The following XIRP2 variants were observed in gnomAD, a reference collection of about 807,000 sequenced individuals.
XIRP2 encodes the protein xin actin-binding repeat-containing protein 2.
A neutral mutation model predicts 277.0 loss-of-function variants in XIRP2; 236 were observed. The observed-to-expected ratio is 0.85, with a 90% confidence interval of 0.77 to 0.95. The LOEUF (loss-of-function observed/expected upper bound fraction) is 0.95. XIRP2 is among the 40% of genes least tolerant of loss of function. The pLI is 0.00. For missense variants in XIRP2, 4,640 were observed against 4,157.5 expected, an observed-to-expected ratio of 1.12 and a Z score of -3.19; for synonymous variants, 1,490 against 1,416.5, an observed-to-expected ratio of 1.05 and a Z score of -1.17.
chr2:167,135,108 C>A (rs1691506315), intron 2 of XIRP2, among the ~76,000 whole-genome samples: 1 of 152,090 alleles, frequency 6.6e-6, no homozygotes, highest in South Asian at 2.1e-4. Context: ...ACATTTTCAA[C>A]ATATTACTTG....
At chr2:166,893,967 G>T (rs7582390) in intron 1 of XIRP2, among the ~76,000 whole-genome samples, 2,162 of 152,192 alleles carry the variant, frequency 0.014, 61 homozygotes, top group African/African-American at 0.05. Context: ...TAACTTTAGG[G>T]ATTTTCAGTG....
At chr2:167,203,321 G>A (rs1693773217) in intron 3 of XIRP2, among the ~76,000 whole-genome samples, 1 of 152,192 alleles carries the variant, frequency 6.6e-6, no homozygotes. Flanking sequence ...AGCTAGGACA[G>A]ACTTAGTAAG....
At chr2:167,154,958 C>G (rs1227826533) in intron 3 of XIRP2, among the ~76,000 whole-genome samples, 5 of 151,944 alleles carry the variant, frequency 3.3e-5, no homozygotes, top group Non-Finnish European at 7.4e-5. Flanking sequence ...TCAGAGAATA[C>G]TACAAACACC....
In XIRP2 at chr2:167,087,807, C is replaced by T. The variant is rs368582514; in HGVS notation, c.409-48102C>T. ...GCCTCGCCCTGCTTCGGCTCGCGCA[C>T]GGTGCGTGCACCCACTGACCTGCGC... On this transcript the variant is annotated intron_variant, in intron 2 of 10. Coordinates refer to ENST00000409195, the MANE Select transcript of XIRP2 (RefSeq NM_152381.6). 9.0e-4 allele frequency among the ~76,000 whole-genome samples: 137 copies of T among 151,904 alleles called. 3 individuals carry two copies. The East Asian group carries it at 0.025, about 28-fold the overall frequency.
At position 167,243,126 on chromosome 2, in the gene XIRP2, A is replaced by C; in HGVS notation, c.1734A>C (p.Arg578Ser). 1 of 1,614,128 alleles carries C rather than the reference A, an allele frequency of 6.2e-7. No individual in the cohort carries two copies. The highest frequency in any genetic ancestry group is 8.5e-7 in the Non-Finnish European group (1 of 1,180,000). The change falls in exon 9 of 11, where the codon AGA becomes AGC. Residue 578 changes from arginine to serine, a missense_variant. By Grantham distance (110) the Arg-to-Ser change is moderately radical. Transcript: ENST00000409195. Reference sequence around the variant, plus strand: ...TGAAGGGAGAGGTGCAGTCCATTAGATGGATCTTTGAGAATCAACCATTGG... The same window carrying C: ...TGAAGGGAGAGGTGCAGTCCATTAGCTGGATCTTTGAGAATCAACCATTGG... Reference protein sequence around the residue: ...EILKGEVQSIRWIFENQPLDS... With the variant: ...EILKGEVQSISWIFENQPLDS...
chr2:166,997,709 A>G lies in XIRP2; in HGVS notation c.408+93819A>G, dbSNP rs146309172. ...ATCACTAGGTCAAGAGCTCAAGACC[A>G]TCCTGGCCAACATGGTGAAACCCCA... is the stretch of plus-strand genomic sequence containing the variant. On this transcript the variant is annotated intron_variant, in intron 2 of 10. Transcript: ENST00000409195. Among the ~76,000 whole-genome samples the G allele has an allele frequency of 9.5e-3, 1,448 of 152,184 alleles. 24 individuals carry two copies. The highest frequency in any genetic ancestry group is 0.033 in the African/African-American group (1,377 of 41,506).
intron 2 of XIRP2, among the ~76,000 whole-genome samples, chr2:167,102,222 T>C (rs1391645098): frequency 6.6e-6 from 1 of 152,186 alleles, no homozygotes; most frequent in Non-Finnish European, 1.5e-5. Flanking sequence ...GAAACAGCAT[T>C]GTTAGAATCA....
intron 2 of XIRP2, among the ~76,000 whole-genome samples, chr2:167,009,800 C>A (rs1181701178): frequency 6.6e-6 from 1 of 151,992 alleles, no homozygotes; most frequent in African/African-American, 2.4e-5. Flanking sequence ...TTGATTTGCA[C>A]TTCTCTGATA....
chr2:166,975,386 A>G (rs188096394), intron 2 of XIRP2, among the ~76,000 whole-genome samples: 1 of 152,358 alleles, frequency 6.6e-6, no homozygotes, highest in Non-Finnish European at 1.5e-5. Flanking sequence ...AAGATATACC[A>G]TATAGTGGGT....
chr2:167,158,970 G>C (rs1692284373), intron 3 of XIRP2, among the ~76,000 whole-genome samples: 1 of 152,128 alleles, frequency 6.6e-6, no homozygotes, highest in Admixed American at 6.5e-5. Context: ...ACCTCTGGGG[G>C]GTAGGAGGGG....
In XIRP2 at chr2:167,247,809, T is replaced by G. The variant is rs1488161602; in HGVS notation, c.6417T>G (p.Phe2139Leu). The change falls in exon 9 of 11, where the codon TTT (phenylalanine) becomes TTG (leucine). Residue 2139 changes from phenylalanine to leucine, a missense_variant. Coordinates refer to ENST00000409195, the MANE Select transcript of XIRP2 (RefSeq NM_152381.6). ...ATGACCACCAGAAAATGGAGGGTTT[T>G]CATATAAAGAGTCCTAAAAAGACCA... ...LRNDHQKMEG[F>L]HIKSPKKTKN... 2.5e-6 allele frequency: 4 copies of G among 1,613,166 alleles called. No individual in the cohort carries two copies. Among genetic ancestry groups the G allele is most frequent in the Non-Finnish European group, 3.4e-6 (4 of 1,179,666 alleles).
intron 2 of XIRP2, chr2:167,124,443 A>G (rs1691142386): frequency 6.6e-6 from 1 of 152,158 alleles, no homozygotes; most frequent in South Asian, 2.1e-4. Context: ...GACATTTCTC[A>G]GTTGCGCTTT....
intron 1 of XIRP2, 23 bp downstream of exon 1, chr2:166,888,580 C>A (rs916732668): frequency 2.0e-5 from 3 of 151,986 alleles, no homozygotes; most frequent in Admixed American, 1.3e-4. Flanking sequence ...TAAGAAAAAC[C>A]ACTTCTTTCA....
intron 2 of XIRP2, among the ~76,000 whole-genome samples, chr2:167,058,341 G>A (rs1420012319): frequency 6.6e-6 from 1 of 152,092 alleles, no homozygotes; most frequent in Non-Finnish European, 1.5e-5. Flanking sequence ...TCAGCTTCCT[G>A]CAGTGCTGGG....
At chr2:167,099,044 T>A (rs1256646979) in intron 2 of XIRP2, among the ~76,000 whole-genome samples, 1 of 152,198 alleles carries the variant, frequency 6.6e-6, no homozygotes, top group East Asian at 1.9e-4. Flanking sequence ...TGCTGGGAGA[T>A]CTGCTGCTCT....
intron 3 of XIRP2, among the ~76,000 whole-genome samples, chr2:167,152,081 A>G (rs1302837060): frequency 6.6e-6 from 1 of 152,150 alleles, no homozygotes; most frequent in Non-Finnish European, 1.5e-5. Context: ...GAAATGTCCC[A>G]ACTGTGTACT....
chr2:166,894,262 T>C (rs751439824), intron 1 of XIRP2, among the ~76,000 whole-genome samples: 2 of 152,152 alleles, frequency 1.3e-5, no homozygotes, highest in Non-Finnish European at 2.9e-5. Flanking sequence ...ACCAAGGGTT[T>C]CTTTCCTTCC....
In XIRP2 at chr2:167,258,620, G is replaced by A. The variant is rs1695738425; in HGVS notation, c.*803G>A. On this transcript the variant is annotated 3_prime_UTR_variant, in exon 11 of 11. Coordinates refer to ENST00000409195, the MANE Select transcript of XIRP2 (RefSeq NM_152381.6). ...AGAAGTTTTACAGGTTACTAACACT[G>A]ATGATGAGATGATGCCAGAAAATCA... is the stretch of plus-strand genomic sequence containing the variant. The A allele has an allele frequency of 6.2e-7, 1 of 1,612,564 alleles. No individual in the cohort carries two copies.
chr2:167,232,385 G>C (rs1694783974), intron 5 of XIRP2, among the ~76,000 whole-genome samples: 1 of 151,728 alleles, frequency 6.6e-6, no homozygotes, highest in South Asian at 2.1e-4. Flanking sequence ...ATACATACAG[G>C]CTCCTTTTTC....
Sources: gnomAD v4.1 joint callset for allele counts (sites outside exome capture counted in the v4.1 genomes callset) on GRCh38, gnomAD v4.1.1 for gene constraint, MANE v1.5 for transcripts, NCBI Gene and HGNC (gene_info 2026-07-23, HGNC 2026-07-21) for gene names.